LMX1B: variants seen among roughly 807,000 people sequenced by gnomAD.
LMX1B encodes LIM homeobox transcription factor 1-beta.
In LMX1B, 12 loss-of-function variants were observed where a neutral mutation model predicts 51.4. That is an observed-to-expected ratio of 0.23 (90% CI 0.15 to 0.38). LMX1B has a LOEUF of 0.38. Ranked by LOEUF, LMX1B falls within the 10% of genes least tolerant of loss-of-function variation. The pLI is 1.00. For synonymous variants in LMX1B, 237 were observed against 235.4 expected, an observed-to-expected ratio of 1.01 and a Z score of -0.06; for missense variants, 445 against 571.1, an observed-to-expected ratio of 0.78 and a Z score of 2.25.
chr9:126,681,952 C>A (rs1293033557), intron 2 of LMX1B, among the ~76,000 whole-genome samples: 1 of 151,340 alleles, frequency 6.6e-6, no homozygotes, highest in Non-Finnish European at 1.5e-5. Flanking sequence ...ATCACACCCC[C>A]CCACCCTTCC....
In LMX1B at chr9:126,671,567, G is replaced by A. The variant is rs1183862893; in HGVS notation, c.327-19269G>A. On this transcript the variant is annotated intron_variant, in intron 2 of 7. Coordinates refer to ENST00000373474, the MANE Select transcript of LMX1B (RefSeq NM_001174147.2). This position sits in a 1 kb window ranked among gnomAD's most constrained non-coding sequence, Gnocchi z 4.4. The stretch of plus-strand genomic sequence containing the variant: ...ACTCCAGCCGGTATCCCGAGAGGCC[G>A]CAAAAACACAGACACCCCAGACGGG... Among the ~76,000 whole-genome samples the A allele has an allele frequency of 5.9e-5, 9 of 152,210 alleles. No homozygotes were observed. The East Asian group carries it at 1.5e-3, about 26-fold the overall frequency.
chr9:126,685,282 A>G (rs1225826721), intron 2 of LMX1B, among the ~76,000 whole-genome samples: 1 of 151,950 alleles, frequency 6.6e-6, no homozygotes, highest in East Asian at 1.9e-4. Context: ...GGGACTTGCT[A>G]TGTTCAGGGA....
chr9:126,692,135 G>A (rs1401009435), intron 3 of LMX1B, among the ~76,000 whole-genome samples: 1 of 152,222 alleles, frequency 6.6e-6, no homozygotes, highest in African/African-American at 2.4e-5. Flanking sequence ...GCCAGGGCCT[G>A]CGTGGAGGCA....
chr9:126,634,604 C>A (rs1835682340), intron 2 of LMX1B, among the ~76,000 whole-genome samples: 1 of 150,498 alleles, frequency 6.6e-6, no homozygotes, highest in Non-Finnish European at 1.5e-5. Flanking sequence ...TTCTGCACAC[C>A]CCCCCCACAA....
chr9:126,634,969 C>A (rs1329112471), intron 2 of LMX1B, among the ~76,000 whole-genome samples: 1 of 152,176 alleles, frequency 6.6e-6, no homozygotes, highest in Non-Finnish European at 1.5e-5. Flanking sequence ...CCCTGGCTGT[C>A]CTCTCACCCT....
At chr9:126,657,207 T>C (rs1237076880) in intron 2 of LMX1B, among the ~76,000 whole-genome samples, 2 of 152,150 alleles carry the variant, frequency 1.3e-5, no homozygotes, top group Non-Finnish European at 2.9e-5. Flanking sequence ...AGAAGAAACA[T>C]TTTTCCCACA....
At chr9:126,622,136 G>T (rs1835427453) in intron 2 of LMX1B, among the ~76,000 whole-genome samples, 1 of 152,192 alleles carries the variant, frequency 6.6e-6, no homozygotes, top group South Asian at 2.1e-4. Flanking sequence ...GTACATTTGT[G>T]GGGAGGCTTT....
At position 126,671,883 on chromosome 9, in the gene LMX1B, G is replaced by T. The variant is rs1402053102; in HGVS notation, c.327-18953G>T. Among the ~76,000 whole-genome samples the T allele has an allele frequency of 1.3e-5, 2 of 152,264 alleles. No homozygotes were observed. Among genetic ancestry groups the T allele is most frequent in the African/African-American group, 4.8e-5 (2 of 41,478 alleles). ...CCACTCCCCTCCCTCCAGAGGGGCAGAGAGGGAATAGAGGTCGGCATTCTC... is the reference window on the plus strand; with the variant it reads ...CCACTCCCCTCCCTCCAGAGGGGCATAGAGGGAATAGAGGTCGGCATTCTC... On this transcript the variant is annotated intron_variant, in intron 2 of 7. Coordinates refer to ENST00000373474, the MANE Select transcript of LMX1B (RefSeq NM_001174147.2). The surrounding 1 kb of genome is among the most constrained non-coding windows in gnomAD (Gnocchi z 4.4).
At chr9:126,685,489 C>T (rs1836753169) in intron 2 of LMX1B, among the ~76,000 whole-genome samples, 1 of 152,182 alleles carries the variant, frequency 6.6e-6, no homozygotes, top group Admixed American at 6.5e-5. Context: ...TGCTTTCTCT[C>T]TGAAGTGGTA....
chr9:126,636,117 C>T (rs1835709545), intron 2 of LMX1B, among the ~76,000 whole-genome samples: 1 of 152,204 alleles, frequency 6.6e-6, no homozygotes, highest in Non-Finnish European at 1.5e-5. Context: ...GAGGCTAGGA[C>T]ACCACAAGCA....
rs2030102410 is a variant in LMX1B, at chr9:126,690,918, C to T, written c.409C>T (p.His137Tyr). 6.2e-7 allele frequency: 1 copy of T among 1,614,080 alleles called. No individual in the cohort carries two copies. Among genetic ancestry groups the T allele is most frequent in the Non-Finnish European group, 8.5e-7 (1 of 1,179,996 alleles). ...FVMRALECVY[H>Y]LGCFCCCVCE... is the part of the protein sequence containing the mutation. ...GATGCGGGCGCTGGAGTGCGTGTAC[C>T]ACCTGGGCTGCTTCTGCTGCTGCGT... The change falls in exon 3 of 8, where the codon CAC becomes TAC. Residue 137 changes from histidine to tyrosine, a missense_variant. Physicochemically the swap from His to Tyr is moderately conservative, Grantham distance 83. Around this residue, in one of 3 missense-constraint regions of LMX1B, gnomAD observed 273 missense variants for 343.3 expected, o/e 0.80. Coordinates refer to ENST00000373474, the MANE Select transcript of LMX1B (RefSeq NM_001174147.2).
chr9:126,635,201 C>T (rs1448539756), intron 2 of LMX1B, among the ~76,000 whole-genome samples: 3 of 152,196 alleles, frequency 2.0e-5, no homozygotes, highest in Non-Finnish European at 4.4e-5. Context: ...GACTCCAGCT[C>T]CTGCTCACCC....
chr9:126,640,163 T>C (rs1835782945), intron 2 of LMX1B, among the ~76,000 whole-genome samples: 1 of 152,190 alleles, frequency 6.6e-6, no homozygotes, highest in Non-Finnish European at 1.5e-5. Flanking sequence ...GGGGAGCCCT[T>C]TGGGCCCTGG....
chr9:126,622,782 G>T (rs1835441648), intron 2 of LMX1B, among the ~76,000 whole-genome samples: 1 of 152,210 alleles, frequency 6.6e-6, no homozygotes, highest in African/African-American at 2.4e-5. Context: ...GGTCCTGGGT[G>T]GGGCACATTT....
chr9:126,644,656 T>TG (rs1489609007), intron 2 of LMX1B, among the ~76,000 whole-genome samples: 3 of 152,164 alleles, frequency 2.0e-5, no homozygotes, highest in African/African-American at 7.2e-5. Flanking sequence ...ATAATGGCTT[T>TG]GCCCTCTGGC....
chr9:126,637,822 T>TCCCCCCCCC (rs56108871), intron 2 of LMX1B, among the ~76,000 whole-genome samples: 652 of 92,010 alleles, frequency 7.1e-3, no homozygotes, highest in Non-Finnish European at 8.4e-3. Flanking sequence ...GTGCCTGTCC[T>TCCCCCCCCC]CCCCCCCCCC....
At chr9:126,668,443 T>TTTATTATTA (rs61392859) in intron 2 of LMX1B, among the ~76,000 whole-genome samples, 24,581 of 146,820 alleles carry the variant, frequency 0.17, 2,234 homozygotes, top group Middle Eastern at 0.3. Flanking sequence ...AGAAGCAGGA[T>TTTATTATTA]TTATTATTAT....
intron 2 of LMX1B, among the ~76,000 whole-genome samples, chr9:126,640,051 C>T (rs992560963): frequency 2.6e-5 from 4 of 152,142 alleles, no homozygotes; most frequent in African/African-American, 9.7e-5. Flanking sequence ...ATGCGGGTGG[C>T]GGGATGGCCC....
rs1349829909 is a variant in LMX1B, at chr9:126,693,235, G to A, written c.653G>A (p.Arg218Lys). 2 of 1,611,566 alleles carry A rather than the reference G, an allele frequency of 1.2e-6. No homozygotes were observed. The highest frequency in any genetic ancestry group is 1.7e-6 in the Non-Finnish European group (2 of 1,179,222). ...GSGDDGKDPR[R>K]PKRPRTILTT... is the part of the protein sequence containing the mutation. ...GGGGATGACGGGAAGGACCCGCGGA[G>A]GCCCAAGCGACCCCGGACCATCCTC... The change falls in exon 4 of 8, where the codon AGG (arginine) becomes AAG (lysine). Residue 218 changes from arginine (R) to lysine (K), a missense_variant. Physicochemically the swap from Arg to Lys is conservative, Grantham distance 26. Transcript: ENST00000373474.
Sources: allele counts gnomAD v4.1 joint callset (sites outside exome capture counted in the v4.1 genomes callset), GRCh38; gene constraint gnomAD v4.1.1; regional missense constraint gnomAD v4.1.1; non-coding constraint Gnocchi (gnomAD v3.1); transcripts MANE v1.5; gene names NCBI Gene and HGNC (gene_info 2026-07-23, HGNC 2026-07-21).